ST6GAL2: variants seen among roughly 807,000 people sequenced by gnomAD.
ST6GAL2 encodes the protein ST6 beta-galactoside alpha-2,6-sialyltransferase 2.
ST6GAL2 carries 24 observed loss-of-function variants against 37.5 expected under a neutral mutation model. That is an observed-to-expected ratio of 0.64 (90% CI 0.46 to 0.90). The LOEUF is 0.90. Ranked by LOEUF, ST6GAL2 falls within the 40% of genes least tolerant of loss-of-function variation. The probability of loss-of-function intolerance (pLI) is 0.00; values close to 1 mark genes in which losing one functional copy is unlikely to be tolerated. For synonymous variants in ST6GAL2, 306 were observed against 295.1 expected, an observed-to-expected ratio of 1.04 and a Z score of -0.38; for missense variants, 715 against 712.7, an observed-to-expected ratio of 1.00 and a Z score of -0.04.
At chr2:106,877,800 C>T (rs1015670669) in intron 1 of ST6GAL2, among the ~76,000 whole-genome samples, 2 of 152,234 alleles carry the variant, frequency 1.3e-5, no homozygotes, top group Non-Finnish European at 2.9e-5. Context: ...TTCCCTACAA[C>T]CTCTCCACAC....
In ST6GAL2 at chr2:106,843,510, T is replaced by C; in HGVS notation, c.468A>G (p.Pro156=). ...GTLGFPSPGE[P]GPREGAFPAA... ...CCGGAAAAGCCCCCTCCCGTGGGCCTGGCTCCCCGGGGGAAGGGAATCCCA... is the reference window on the plus strand; with the variant it reads ...CCGGAAAAGCCCCCTCCCGTGGGCCCGGCTCCCCGGGGGAAGGGAATCCCA... The change falls in exon 2 of 6, where the codon CCA becomes CCG. Residue 156 remains proline, a synonymous_variant. Transcript: ENST00000409382. The C allele has an allele frequency of 6.2e-7, 1 of 1,614,024 alleles. No homozygotes were observed. The highest frequency in any genetic ancestry group is 1.1e-5 in the South Asian group (1 of 91,074).
intron 5 of ST6GAL2, among the ~76,000 whole-genome samples, chr2:106,822,231 G>A (rs993451481): frequency 3.9e-5 from 6 of 152,050 alleles, no homozygotes; most frequent in African/African-American, 1.4e-4. Flanking sequence ...CTTGTTTGCA[G>A]ACAACATGAT....
intron 2 of ST6GAL2, among the ~76,000 whole-genome samples, chr2:106,837,514 T>C (rs372421827): frequency 6.6e-6 from 1 of 152,318 alleles, no homozygotes; most frequent in African/African-American, 2.4e-5. Flanking sequence ...AGCTTAGATC[T>C]CACTGTTCCC....
chr2:106,834,950 T>C (rs1167248228), intron 2 of ST6GAL2: 1 of 152,210 alleles, frequency 6.6e-6, no homozygotes, highest in Non-Finnish European at 1.5e-5. Flanking sequence ...CTCTGAATGC[T>C]GGGCTGGAAG....
intron 1 of ST6GAL2, among the ~76,000 whole-genome samples, chr2:106,849,509 T>G (rs574632021): frequency 6.6e-6 from 1 of 152,304 alleles, no homozygotes; most frequent in South Asian, 2.1e-4. Flanking sequence ...TACCCCAAAA[T>G]ATATTTCTTT....
intron 1 of ST6GAL2, among the ~76,000 whole-genome samples, chr2:106,862,793 G>T (rs972529301): frequency 2.6e-5 from 4 of 152,130 alleles, no homozygotes; most frequent in African/African-American, 9.7e-5. Flanking sequence ...CCAACCTGAG[G>T]CAGGGCATAG....
chr2:106,877,999 T>G (rs1407541657), intron 1 of ST6GAL2, among the ~76,000 whole-genome samples: 1 of 152,244 alleles, frequency 6.6e-6, no homozygotes, highest in African/African-American at 2.4e-5. Flanking sequence ...GAAAATTCAG[T>G]GGCTATTGCT....
Position 106,843,768 on chromosome 2 carries a change from C to T in ST6GAL2, c.210G>A (p.Pro70=), listed in dbSNP as rs1363743593. The T allele has an allele frequency of 6.2e-7, 1 of 1,609,694 alleles. No homozygotes were observed. Among genetic ancestry groups the T allele is most frequent in the African/African-American group, 1.3e-5 (1 of 74,912 alleles). Residue 70 remains proline, a synonymous_variant, in exon 2 of 6, where the codon CCG becomes CCA. Coordinates refer to ENST00000409382, the MANE Select transcript of ST6GAL2 (RefSeq NM_001142351.2). ...AIMGAAHEPS[P]PGGLDARQAL... is the part of the protein sequence containing the mutation. ...CCTGGCGTGCGTCCAGGCCCCCAGG[C>T]GGGGAGGGCTCATGTGCGGCGCCCA... is the stretch of plus-strand genomic sequence containing the variant.
chr2:106,867,151 A>C lies in ST6GAL2; in HGVS notation c.-58+18942T>G, dbSNP rs551591701. Among the ~76,000 whole-genome samples the C allele has an allele frequency of 7.9e-5, 12 of 152,220 alleles. No individual in the cohort carries two copies. The South Asian group carries it at 1.2e-3, about 16-fold the overall frequency. ...GAGGGCACTTCTTTCCTGTTTTTTGAATAAATGGCTCCACATTCTAATTTC... is the reference window on the plus strand; with the variant it reads ...GAGGGCACTTCTTTCCTGTTTTTTGCATAAATGGCTCCACATTCTAATTTC... On this transcript the variant is annotated intron_variant, in intron 1 of 5. Transcript: ENST00000409382.
chr2:106,862,955 G>A (rs934844395), intron 1 of ST6GAL2, among the ~76,000 whole-genome samples: 1 of 151,206 alleles, frequency 6.6e-6, no homozygotes, highest in African/African-American at 2.4e-5. Flanking sequence ...TACAATAATA[G>A]AATCATGAGT....
At chr2:106,879,681 T>TTAGACCAATTATATATTATTATA (rs1338270769) in intron 1 of ST6GAL2, among the ~76,000 whole-genome samples, 3 of 148,658 alleles carry the variant, frequency 2.0e-5, no homozygotes, top group Non-Finnish European at 4.5e-5. Flanking sequence ...AAATTATATA[T>TTAGACCAATTATATATTATTATA]TAGACCAATT....
rs1216300273 is a variant in ST6GAL2, at chr2:106,832,461, A to T, written c.1143+104T>A. On this transcript the variant is annotated intron_variant, in intron 4 of 5. Transcript: ENST00000409382. ...ATGCATTAAATTGATATTGATGGGT[A>T]CTTTCATTGTCTGTCAAAGCTTAAT... 2.7e-5 allele frequency: 17 copies of T among 641,004 alleles called. No individual in the cohort carries two copies. The Admixed American group carries it at 2.9e-4, about 11-fold the overall frequency. The allele number at this position is 641,004 out of a possible 1,614,324, so 39.7% of individuals were successfully genotyped here.
rs780492884 is a variant in ST6GAL2, at chr2:106,806,808, T to C, written c.1460A>G (p.Tyr487Cys). 1.2e-6 allele frequency: 2 copies of C among 1,614,018 alleles called. No individual in the cohort carries two copies. The highest frequency in any genetic ancestry group is 1.1e-5 in the South Asian group (1 of 91,088). The change falls in exon 6 of 6, where the codon TAT becomes TGT. Residue 487 changes from tyrosine (Y) to cysteine (C), a missense_variant. Physicochemically the swap from Tyr to Cys is radical, Grantham distance 194. Around this residue, in one of 3 missense-constraint regions of ST6GAL2, gnomAD observed 198 missense variants for 203.6 expected, o/e 0.97. Transcript: ENST00000409382. ...CAGGCGCTGCACCAGGAGCTTCTCA[T>C]AGAGTAGTGGGTGGTACGCCCCGAG... is the stretch of plus-strand genomic sequence containing the variant. ...CTLGAYHPLL[Y>C]EKLLVQRLNM...
At chr2:106,836,237 A>T (rs113140738) in intron 2 of ST6GAL2, among the ~76,000 whole-genome samples, 84 of 152,336 alleles carry the variant, frequency 5.5e-4, no homozygotes, top group Middle Eastern at 3.4e-3. Flanking sequence ...TTGGTTTCTC[A>T]CATCTGCTTT....
intron 1 of ST6GAL2, among the ~76,000 whole-genome samples, chr2:106,883,829 G>A (rs1317330880): frequency 5.3e-5 from 8 of 152,140 alleles, no homozygotes; most frequent in Non-Finnish European, 1.2e-4. Flanking sequence ...TTATTATCAT[G>A]CATAAGATAT....
At chr2:106,864,508 G>A (rs546924774) in intron 1 of ST6GAL2, among the ~76,000 whole-genome samples, 68 of 152,316 alleles carry the variant, frequency 4.5e-4, no homozygotes, top group African/African-American at 1.6e-3. Context: ...TTTGCAAAAT[G>A]TATTCACATT....
At chr2:106,868,061 A>G (rs1399149080) in intron 1 of ST6GAL2, among the ~76,000 whole-genome samples, 1 of 152,212 alleles carries the variant, frequency 6.6e-6, no homozygotes, top group Non-Finnish European at 1.5e-5. Flanking sequence ...TGTACTAGAC[A>G]TGACGCCAAT....
chr2:106,883,302 G>A (rs991725277), intron 1 of ST6GAL2, among the ~76,000 whole-genome samples: 1 of 152,178 alleles, frequency 6.6e-6, no homozygotes, highest in Non-Finnish European at 1.5e-5. Flanking sequence ...TCTTCGCATT[G>A]TGTACTTAAT....
chr2:106,884,928 T>TATAC (rs1553429984), intron 1 of ST6GAL2, among the ~76,000 whole-genome samples: 1 of 123,778 alleles, frequency 8.1e-6, no homozygotes, highest in Admixed American at 7.7e-5. Context: ...TATATATATA[T>TATAC]ATATATACAT....
Sources: allele counts gnomAD v4.1 joint callset (sites outside exome capture counted in the v4.1 genomes callset), GRCh38; gene constraint gnomAD v4.1.1; regional missense constraint gnomAD v4.1.1; transcripts MANE v1.5; gene names NCBI Gene and HGNC (gene_info 2026-07-23, HGNC 2026-07-21).